Variants in ZRANB3 observed in about 807,000 individuals in gnomAD.
The protein encoded by ZRANB3 is zinc finger RANBP2-type containing 3.
A neutral mutation model predicts 133.8 loss-of-function variants in ZRANB3; 125 were observed. The ratio of observed to expected loss-of-function variants is 0.93; its 90% CI spans 0.81 to 1.08. ZRANB3 has a LOEUF of 1.08. ZRANB3 is among the 50% of genes least tolerant of loss of function. The probability of loss-of-function intolerance (pLI) is 0.00; values close to 1 mark genes in which losing one functional copy is unlikely to be tolerated. For synonymous variants in ZRANB3, 387 were observed against 432.7 expected (o/e 0.89, Z 1.31); for missense variants, 1,229 against 1,275.5 (o/e 0.96, Z 0.56).
chr2:135,227,908 CTTGT>C lies in ZRANB3; in HGVS notation c.2058_2061del (p.Gln687ProfsTer47). 6.4e-7 allele frequency: 1 copy of C among 1,561,756 alleles called. No homozygotes were observed. Among genetic ancestry groups the C allele is most frequent in the Non-Finnish European group, 8.7e-7 (1 of 1,151,346 alleles). On this transcript the variant is annotated frameshift_variant, in exon 14 of 21. Coordinates refer to ENST00000264159, the MANE Select transcript of ZRANB3 (RefSeq NM_032143.4). LOFTEE classifies it high-confidence loss of function. Reference sequence around the variant, plus strand: ...TGGCCAGGTTCTGACTGTGCAAGGGCTTGTTTTTCACAGTCTGAGATAGTTTGAA... The same window carrying C: ...TGGCCAGGTTCTGACTGTGCAAGGGCTTTTCACAGTCTGAGATAGTTTGAA...
chr2:135,206,467 T>A (rs1453701514), intron 19 of ZRANB3, among the ~76,000 whole-genome samples: 1 of 152,064 alleles, frequency 6.6e-6, no homozygotes, highest in Non-Finnish European at 1.5e-5. Flanking sequence ...CTCGAACTCC[T>A]GACCTCAGGT....
chr2:135,426,108 A>C (rs1558991706), intron 2 of ZRANB3, among the ~76,000 whole-genome samples: 1 of 152,062 alleles, frequency 6.6e-6, no homozygotes, highest in African/African-American at 2.4e-5. Context: ...TTTATGGAAA[A>C]ATACAACCCT....
At chr2:135,440,159 T>C (rs1689717121) in intron 2 of ZRANB3, among the ~76,000 whole-genome samples, 1 of 152,196 alleles carries the variant, frequency 6.6e-6, no homozygotes, top group Non-Finnish European at 1.5e-5. Flanking sequence ...TCATATTACT[T>C]TTAATCTACA....
chr2:135,379,256 T>A (rs1202641006), intron 3 of ZRANB3, among the ~76,000 whole-genome samples: 2 of 152,178 alleles, frequency 1.3e-5, no homozygotes, highest in Non-Finnish European at 2.9e-5. Flanking sequence ...AGCAGGCAGG[T>A]GACACTGATT....
intron 6 of ZRANB3, among the ~76,000 whole-genome samples, chr2:135,324,715 C>T (rs932180764): frequency 1.3e-5 from 2 of 152,270 alleles, no homozygotes; most frequent in African/African-American, 2.4e-5. Flanking sequence ...AAAAGTGTTC[C>T]TATTTCTCCA....
intron 2 of ZRANB3, among the ~76,000 whole-genome samples, chr2:135,437,984 T>C (rs1032292167): frequency 6.6e-6 from 1 of 152,168 alleles, no homozygotes; most frequent in Non-Finnish European, 1.5e-5. Context: ...GTGTATCTGA[T>C]GTCTGCTTGA....
intron 8 of ZRANB3, among the ~76,000 whole-genome samples, chr2:135,280,619 AT>A (rs762644680): frequency 2.6e-5 from 4 of 151,554 alleles, no homozygotes; most frequent in East Asian, 3.8e-4. Flanking sequence ...AATATTCATG[AT>A]TTTTTTTTCA....
intron 2 of ZRANB3, among the ~76,000 whole-genome samples, chr2:135,485,588 T>C (rs1366559292): frequency 6.6e-6 from 1 of 152,190 alleles, no homozygotes; most frequent in Non-Finnish European, 1.5e-5. Flanking sequence ...ACATGGCATT[T>C]AATCTTTATA....
At chr2:135,482,026 G>A (rs1457685516) in intron 2 of ZRANB3, among the ~76,000 whole-genome samples, 7 of 136,828 alleles carry the variant, frequency 5.1e-5, no homozygotes, top group Non-Finnish European at 1.0e-4. Flanking sequence ...TAGCCTTGTA[G>A]TATAGTTTGA....
chr2:135,353,446 T>C lies in ZRANB3; in HGVS notation c.359+4A>G. The C allele has an allele frequency of 6.4e-7, 1 of 1,567,062 alleles. No individual in the cohort carries two copies. Among genetic ancestry groups the C allele is most frequent in the South Asian group, 1.2e-5 (1 of 82,230 alleles). On this transcript the variant is annotated splice_donor_region_variant and intron_variant, in intron 4 of 20. Coordinates refer to ENST00000264159, the MANE Select transcript of ZRANB3 (RefSeq NM_032143.4). ...CTCCTTAAATATTAAACAGTTGTTCTTACCTAACATCAGTTTTATTCTGAA... is the reference window on the plus strand; with the variant it reads ...CTCCTTAAATATTAAACAGTTGTTCCTACCTAACATCAGTTTTATTCTGAA...
intron 2 of ZRANB3, among the ~76,000 whole-genome samples, chr2:135,500,466 C>T (rs1410063622): frequency 2.6e-5 from 4 of 151,850 alleles, no homozygotes; most frequent in African/African-American, 9.7e-5. Flanking sequence ...CAACCGCATA[C>T]AAAAACATAG....
intron 12 of ZRANB3, among the ~76,000 whole-genome samples, chr2:135,245,678 G>C (rs1175540387): frequency 1.3e-5 from 2 of 151,572 alleles, no homozygotes; most frequent in African/African-American, 4.8e-5. Flanking sequence ...TGTAATCCCA[G>C]CACTTCGGGA....
intron 2 of ZRANB3, among the ~76,000 whole-genome samples, chr2:135,421,042 G>A (rs1688823210): frequency 6.6e-6 from 1 of 152,130 alleles, no homozygotes; most frequent in African/African-American, 2.4e-5. Context: ...TATATGTATT[G>A]ATATTGTAAG....
intron 12 of ZRANB3, among the ~76,000 whole-genome samples, chr2:135,253,794 G>C (rs557111167): frequency 1.3e-5 from 2 of 152,282 alleles, no homozygotes; most frequent in African/African-American, 4.8e-5. Context: ...TGTGATCGTA[G>C]TTGACCAAAA....
chr2:135,242,615 C>T (rs1695601209), intron 12 of ZRANB3, among the ~76,000 whole-genome samples: 1 of 152,096 alleles, frequency 6.6e-6, no homozygotes, highest in Non-Finnish European at 1.5e-5. Context: ...ATCAGATCAA[C>T]TTGTGTCCTT....
intron 8 of ZRANB3, among the ~76,000 whole-genome samples, chr2:135,309,836 T>C (rs911044291): frequency 1.3e-5 from 2 of 152,230 alleles, no homozygotes; most frequent in African/African-American, 4.8e-5. Context: ...CTTAAAATGC[T>C]GATTCTAAAA....
intron 8 of ZRANB3, among the ~76,000 whole-genome samples, chr2:135,307,771 G>A (rs1449539608): frequency 6.6e-6 from 1 of 152,180 alleles, no homozygotes; most frequent in East Asian, 1.9e-4. Context: ...TGATAGTATG[G>A]TGGGGGAGGG....
intron 3 of ZRANB3, among the ~76,000 whole-genome samples, chr2:135,360,578 A>AGGCG (rs1558942647): frequency 1.3e-5 from 2 of 150,866 alleles, no homozygotes; most frequent in Non-Finnish European, 3.0e-5. Context: ...GGTGGTGAGC[A>AGGCG]CCTGTAGTCC....
At chr2:135,464,119 A>T (rs1408406555) in intron 2 of ZRANB3, among the ~76,000 whole-genome samples, 1 of 152,236 alleles carries the variant, frequency 6.6e-6, no homozygotes, top group Non-Finnish European at 1.5e-5. Context: ...GGTAAGGTCA[A>T]TCTTAAAACA....
Sources: gnomAD v4.1 joint callset for allele counts (sites outside exome capture counted in the v4.1 genomes callset) on GRCh38, gnomAD v4.1.1 for gene constraint, MANE v1.5 for transcripts, NCBI Gene and HGNC (gene_info 2026-07-23, HGNC 2026-07-21) for gene names.